Variants in MFRP observed in about 807,000 individuals in gnomAD.
MFRP encodes membrane frizzled-related protein, also known as C1q and TNF related 5.
Under a neutral mutation model 65.8 loss-of-function variants are expected in MFRP, and 74 were observed. The observed-to-expected ratio is 1.12, with a 90% CI of 0.93 to 1.36. The LOEUF (loss-of-function observed/expected upper bound fraction) is 1.36. Ranked by LOEUF, MFRP falls within the 40% of genes most tolerant of loss-of-function variation. MFRP has a pLI of 0.00. For missense variants in MFRP, 838 were observed against 736.0 expected, an observed-to-expected ratio of 1.14 and a Z score of -1.60; for synonymous variants, 336 against 288.3, an observed-to-expected ratio of 1.17 and a Z score of -1.68.
At chr11:119,343,154 T>A in intron 9 of MFRP, 151 bp from the exon 10 acceptor site, 1 of 966,962 alleles carries the variant, frequency 1.0e-6, no homozygotes, top group Non-Finnish European at 1.6e-6. Context: ...GAAAGACACA[T>A]ATATTCAACA....
chr11:119,345,489 A>C lies in MFRP; in HGVS notation c.572T>G (p.Ile191Arg). Residue 191 changes from isoleucine (I) to arginine (R), a missense_variant, in exon 5 of 15, where the codon ATA (isoleucine) becomes AGA (arginine). Ile to Arg is a moderately conservative substitution (Grantham distance 97). Transcript: ENST00000619721. ...AIQLKIEALS[I>R]ESVASCLFDR... is the part of the protein sequence containing the mutation. ...AAAAAGGCAAGAGGCCACACTCTCT[A>C]TGCTGAGGGCTTCGATCTTGAGCTG... is the stretch of plus-strand genomic sequence containing the variant. 1.2e-6 allele frequency: 2 copies of C among 1,614,102 alleles called. No individual in the cohort carries two copies. The highest frequency in any genetic ancestry group is 1.7e-6 in the Non-Finnish European group (2 of 1,180,034).
At position 119,344,738 on chromosome 11, in the gene MFRP, C is replaced by G. The variant is rs541289282; in HGVS notation, c.792G>C (p.Glu264Asp). The change falls in exon 7 of 15, where the codon GAG (glutamate) becomes GAC (aspartate). Residue 264 changes from glutamate (E) to aspartate (D), a missense_variant. Glu to Asp is a conservative substitution (Grantham distance 45). Coordinates refer to ENST00000619721, the MANE Select transcript of MFRP (RefSeq NM_031433.4). ...APGRGSCAHD[E>D]FRCDQLICLL... ...GGCAGATGAGCTGGTCACAGCGGAA[C>G]TCATCATGGGCACAGCTCCCTGGAT... 1 of 1,614,040 alleles carries G rather than the reference C, an allele frequency of 6.2e-7. No individual in the cohort carries two copies. The highest frequency in any genetic ancestry group is 2.2e-5 in the East Asian group (1 of 44,884).
chr11:119,343,846 C>T lies in MFRP; in HGVS notation c.1094G>A (p.Ser365Asn), dbSNP rs769067795. The T allele has an allele frequency of 1.2e-6, 2 of 1,613,976 alleles. No individual in the cohort carries two copies. Among genetic ancestry groups the T allele is most frequent in the Non-Finnish European group, 1.7e-6 (2 of 1,179,998 alleles). ...CAGGAGGCTGAAGGCCCCTGAGCTGCTGGTCTCATACACCTCCACGTAGTC... is the reference window on the plus strand; with the variant it reads ...CAGGAGGCTGAAGGCCCCTGAGCTGTTGGTCTCATACACCTCCACGTAGTC... ...KFDYVEVYETSSSGAFSLLGR... is the reference protein window; with the variant it reads ...KFDYVEVYETNSSGAFSLLGR... Residue 365 changes from serine to asparagine, a missense_variant, in exon 9 of 15, where the codon AGC becomes AAC. Transcript: ENST00000619721.
Position 119,346,338 on chromosome 11 carries a change from C to G in MFRP, c.91G>C (p.Gly31Arg). The change falls in exon 2 of 15, where the codon GGG becomes CGG. Residue 31 changes from glycine to arginine, a missense_variant. Gly to Arg is a moderately radical substitution (Grantham distance 125). Transcript: ENST00000619721. ...FCNPAFEPES[G>R]PPCPPPVFPE... ...AAAACTGGGGGAGGGCAGGGTGGCC[C>G]AGACTCAGGCTCGAAGGCAGGATTG... 1 of 1,614,008 alleles carries G rather than the reference C, an allele frequency of 6.2e-7. No individual in the cohort carries two copies. Among genetic ancestry groups the G allele is most frequent in the Non-Finnish European group, 8.5e-7 (1 of 1,180,002 alleles).
At position 119,339,463 on chromosome 11, in the gene MFRP, C is replaced by G. The variant is rs1950473264; in HGVS notation, c.*1496G>C. On this transcript the variant is annotated 3_prime_UTR_variant, in exon 15 of 15. Transcript: ENST00000619721. The surrounding 1 kb of genome is among the most constrained non-coding windows in gnomAD (Gnocchi z 5.4). ...CCTGCACCCACACTTGGTCCTCAGG[C>G]TCCAGCCTCACCATGGCCCCCCCCG... is the stretch of plus-strand genomic sequence containing the variant. 1 of 1,614,000 alleles carries G rather than the reference C, an allele frequency of 6.2e-7. No homozygotes were observed.
chr11:119,339,415 G>A lies in MFRP; in HGVS notation c.*1544C>T. 1 of 1,613,582 alleles carries A rather than the reference G, an allele frequency of 6.2e-7. No homozygotes were observed. Among genetic ancestry groups the A allele is most frequent in the Non-Finnish European group, 8.5e-7 (1 of 1,179,616 alleles). On this transcript the variant is annotated 3_prime_UTR_variant, in exon 15 of 15. Coordinates refer to ENST00000619721, the MANE Select transcript of MFRP (RefSeq NM_031433.4). This position sits in a 1 kb window ranked among gnomAD's most constrained non-coding sequence, Gnocchi z 5.4. ...TGTCTGTCTTGATGCTGGCATAGATGCCAATGTAGTCACCCACACCCACCT... is the reference window on the plus strand; with the variant it reads ...TGTCTGTCTTGATGCTGGCATAGATACCAATGTAGTCACCCACACCCACCT...
chr11:119,346,007 T>C (rs1379358311), intron 3 of MFRP, 39 bp downstream of exon 3: 2 of 1,613,038 alleles, frequency 1.2e-6, no homozygotes, highest in South Asian at 2.2e-5. Context: ...TGGAGTTTCA[T>C]TCCAAAGCCC....
rs745791741 is a variant in MFRP, at chr11:119,346,138, C to A, written c.179G>T (p.Arg60Leu). Residue 60 changes from arginine to leucine, a missense_variant, in exon 3 of 15, where the codon CGG becomes CTG. Coordinates refer to ENST00000619721, the MANE Select transcript of MFRP (RefSeq NM_031433.4). ...PWHGRRPRGLRPDCRFSWLCV... is the reference protein window; with the variant it reads ...PWHGRRPRGLLPDCRFSWLCV... The stretch of plus-strand genomic sequence containing the variant: ...GAGCCAGGAGAAGCGGCAGTCTGGC[C>A]GTAGCCCTCGAGGACGCCGACCTGC... The A allele has an allele frequency of 1.9e-6, 3 of 1,598,786 alleles. No individual in the cohort carries two copies. Among genetic ancestry groups the A allele is most frequent in the African/African-American group, 1.3e-5 (1 of 74,632 alleles).
In MFRP at chr11:119,345,819, G is replaced by A. The variant is rs376089140; in HGVS notation, c.381C>T (p.Thr127=). ...CGCCTGACTCCTGCTGCCCTTTAGG[G>A]GTCCCAGCTGCCTGAGAGGTGGTGA... ...PTITTSQAAG[T]PKGQQESGVS... Residue 127 remains threonine, a synonymous_variant, in exon 4 of 15, where the codon ACC becomes ACT. Transcript: ENST00000619721. 8 of 1,613,774 alleles carry A rather than the reference G, an allele frequency of 5.0e-6. No homozygotes were observed. The East Asian group carries it at 6.7e-5, about 13-fold the overall frequency.
chr11:119,344,188 C>G (rs535045133), intron 8 of MFRP, 127 bp downstream of exon 8: 91 of 1,027,478 alleles, frequency 8.9e-5, no homozygotes, highest in Non-Finnish European at 1.4e-4. Context: ...CCCCATCCCC[C>G]GTCTGCTTGA....
Position 119,344,383 on chromosome 11 carries a change from C to A in MFRP, c.907G>T (p.Gly303Trp). ...NCSAKFSGCG[G>W]NLTGLQGTFS... The stretch of plus-strand genomic sequence containing the variant: ...GTGCCCTGGAGGCCAGTCAGATTCC[C>A]CCCACACCCTGTAGAGAGGTGGAAG... Residue 303 changes from glycine to tryptophan, a missense_variant, in exon 8 of 15, where the codon GGG becomes TGG. Physicochemically the swap from Gly to Trp is radical, Grantham distance 184. Transcript: ENST00000619721. 1 of 1,613,830 alleles carries A rather than the reference C, an allele frequency of 6.2e-7. No individual in the cohort carries two copies. Among genetic ancestry groups the A allele is most frequent in the Non-Finnish European group, 8.5e-7 (1 of 1,179,872 alleles).
chr11:119,342,400 G>A (rs934676751), intron 11 of MFRP, among the ~76,000 whole-genome samples, 196 bp downstream of exon 11: 3 of 152,172 alleles, frequency 2.0e-5, no homozygotes, highest in East Asian at 3.8e-4. Context: ...TTCCCTTGGG[G>A]TGACACTCAG....
rs139684307 is a variant in MFRP at position 119,342,910 on chromosome 11, G to A, written c.1218C>T (p.Gly406=). ...FRTDHGISSG[G]FSATYLAFNA... ...TGAAGGCCAGGTAGGTGGCTGAGAAGCCTCCACTGCTGATGCCATGATCTG... is the reference window on the plus strand; with the variant it reads ...TGAAGGCCAGGTAGGTGGCTGAGAAACCTCCACTGCTGATGCCATGATCTG... Residue 406 remains glycine (G), a synonymous_variant, in exon 10 of 15, where the codon GGC becomes GGT. Transcript: ENST00000619721. 2.5e-6 allele frequency: 4 copies of A among 1,612,906 alleles called. No individual in the cohort carries two copies. The African/African-American group carries it at 5.3e-5, about 22-fold the overall frequency.
At chr11:119,344,599 C>T (rs1241988236) in intron 7 of MFRP, 33 bp downstream of exon 7, 5 of 1,613,556 alleles carry the variant, frequency 3.1e-6, no homozygotes, top group Non-Finnish European at 4.2e-6. Flanking sequence ...AGATCAGACG[C>T]CTGAAGAGAG....
Position 119,343,013 on chromosome 11 carries a change from G to A in MFRP, c.1125-10C>T, listed in dbSNP as rs1380986152. The A allele has an allele frequency of 2.5e-6, 4 of 1,595,970 alleles. No homozygotes were observed. The highest frequency in any genetic ancestry group is 3.4e-6 in the Non-Finnish European group (4 of 1,172,894). On this transcript the variant is annotated splice_polypyrimidine_tract_variant and intron_variant, in intron 9 of 14. Coordinates refer to ENST00000619721, the MANE Select transcript of MFRP (RefSeq NM_031433.4). ...CTCTGCTCCACAGAACCTGCCCAAA[G>A]CAGACAGCTGTTCTGGGCACCAGCC... is the stretch of plus-strand genomic sequence containing the variant.
Position 119,342,606 on chromosome 11 carries a change from G to T in MFRP, c.1377C>A (p.Phe459Leu). The T allele has an allele frequency of 6.2e-7, 1 of 1,613,242 alleles. No individual in the cohort carries two copies. Among genetic ancestry groups the T allele is most frequent in the Non-Finnish European group, 8.5e-7 (1 of 1,179,880 alleles). ...GGGCAGGCTTCTCACCTGGGGGTGG[G>T]AACAAGGGGCCGCTGCAGTTGTCAT... is the stretch of plus-strand genomic sequence containing the variant. ...GSDDNCSGPL[F>L]PPPELACEPV... The change falls in exon 11 of 15, where the codon TTC (phenylalanine) becomes TTA (leucine). Residue 459 changes from phenylalanine (F) to leucine (L), a missense_variant. Coordinates refer to ENST00000619721, the MANE Select transcript of MFRP (RefSeq NM_031433.4).
intron 11 of MFRP, 92 bp from the exon 12 acceptor site, chr11:119,342,076 A>C (rs1175407422): frequency 4.7e-6 from 7 of 1,483,636 alleles, no homozygotes; most frequent in Non-Finnish European, 6.5e-6. Context: ...CTGTGTGTAC[A>C]TGGGTCCAAT....
At chr11:119,343,037 C>G in intron 9 of MFRP, 34 bp from the exon 10 acceptor site, 1 of 1,572,444 alleles carries the variant, frequency 6.4e-7, no homozygotes, top group Non-Finnish European at 8.6e-7. Context: ...TGGGCACCAG[C>G]CCTGGCTGAC....
At chr11:119,344,266 G>A in intron 8 of MFRP, 49 bp downstream of exon 8, 3 of 1,544,004 alleles carry the variant, frequency 1.9e-6, no homozygotes, top group Non-Finnish European at 2.7e-6. Flanking sequence ...TTGGGGATCA[G>A]GTGCTTCCGT....
Sources: gnomAD v4.1 joint callset for allele counts (sites outside exome capture counted in the v4.1 genomes callset) on GRCh38, gnomAD v4.1.1 for gene constraint, Gnocchi (gnomAD v3.1) non-coding constraint, MANE v1.5 for transcripts, NCBI Gene and HGNC (gene_info 2026-07-23, HGNC 2026-07-21) for gene names.